The following ZNF160 variants were observed in gnomAD, a reference collection of about 807,000 sequenced individuals.
ZNF160 encodes the protein KRAB zinc finger protein KR18.
In ZNF160, 9 loss-of-function variants were observed where a neutral mutation model predicts 13.1. That is an observed-to-expected ratio of 0.69 (90% confidence interval 0.41 to 1.20). The LOEUF is 1.20. ZNF160 is among the 50% of genes most tolerant of loss of function. ZNF160 has a pLI of 0.01. For missense variants in ZNF160, 838 were observed against 988.0 expected (o/e 0.85, Z 2.04); for synonymous variants, 293 against 333.2 (o/e 0.88, Z 1.31).
At chr19:53,101,861 T>C (rs1341880225) in intron 1 of ZNF160, among the ~76,000 whole-genome samples, 1 of 152,210 alleles carries the variant, frequency 6.6e-6, no homozygotes, top group East Asian at 1.9e-4. Context: ...CTCATCCTTA[T>C]ATGTAGAATT....
intron 2 of ZNF160, among the ~76,000 whole-genome samples, chr19:53,088,203 A>T (rs1057269494): frequency 1.3e-5 from 2 of 152,216 alleles, no homozygotes; most frequent in Non-Finnish European, 2.9e-5. Context: ...CCAAGATAAC[A>T]GAAGAGGAAG....
chr19:53,094,487 G>T (rs1401340229), intron 1 of ZNF160, among the ~76,000 whole-genome samples: 1 of 152,072 alleles, frequency 6.6e-6, no homozygotes, highest in Non-Finnish European at 1.5e-5. Context: ...GGGACCATCC[G>T]CTGATGCCCC....
At position 53,075,037 on chromosome 19, in the gene ZNF160, T is replaced by C. The variant is rs766269939; in HGVS notation, c.142+20A>G. ...ATAGACAAGAACAGATCTTGACTTC[T>C]GGAAGAAAGTCATCCTCACCCAGAG... is the stretch of plus-strand genomic sequence containing the variant. On this transcript the variant is annotated intron_variant, in intron 4 of 5. Coordinates refer to ENST00000683776, the MANE Select transcript of ZNF160 (RefSeq NM_001322131.2). 9.3e-6 allele frequency: 15 copies of C among 1,613,854 alleles called. No homozygotes were observed. The East Asian group carries it at 3.3e-4, about 36-fold the overall frequency.
intron 3 of ZNF160, among the ~76,000 whole-genome samples, chr19:53,081,266 C>G (rs188065076): frequency 6.6e-6 from 1 of 152,190 alleles, no homozygotes; most frequent in Non-Finnish European, 1.5e-5. Flanking sequence ...AAAAAATAGA[C>G]AAGTGGAACT....
intron 1 of ZNF160, among the ~76,000 whole-genome samples, chr19:53,092,468 G>A (rs1192402776): frequency 6.6e-6 from 1 of 152,068 alleles, no homozygotes; most frequent in Admixed American, 6.6e-5. Flanking sequence ...ACGCCACTAG[G>A]CCCAGCTAAT....
At chr19:53,084,483 C>T (rs576498909) in intron 3 of ZNF160, among the ~76,000 whole-genome samples, 5 of 152,278 alleles carry the variant, frequency 3.3e-5, no homozygotes, top group Admixed American at 6.5e-5. Context: ...GTGACAGAGC[C>T]GCCGTGCTCC....
At chr19:53,079,632 A>G (rs1269340454) in intron 3 of ZNF160, among the ~76,000 whole-genome samples, 1 of 146,708 alleles carries the variant, frequency 6.8e-6, no homozygotes, top group African/African-American at 2.5e-5. Context: ...TTTCTTGGCT[A>G]TGACACCAAA....
chr19:53,086,250 G>C lies in ZNF160; in HGVS notation c.15+12C>G. On this transcript the variant is annotated intron_variant, in intron 3 of 5. Transcript: ENST00000683776. The stretch of plus-strand genomic sequence containing the variant: ...GAAATAAAAGAACAATCCACCAGGA[G>C]TATCACTTTACCTGAGTAAGGGCCA... 6 of 1,584,726 alleles carry C rather than the reference G, an allele frequency of 3.8e-6. No homozygotes were observed. Among genetic ancestry groups the C allele is most frequent in the Non-Finnish European group, 5.1e-6 (6 of 1,165,356 alleles).
At chr19:53,080,136 C>T (rs1198845406) in intron 3 of ZNF160, among the ~76,000 whole-genome samples, 3 of 145,602 alleles carry the variant, frequency 2.1e-5, no homozygotes, top group African/African-American at 5.1e-5. Context: ...GATGGAGTTT[C>T]GCTCTTGTTG....
At chr19:53,088,894 C>T (rs1407603847) in intron 2 of ZNF160, among the ~76,000 whole-genome samples, 27 of 152,224 alleles carry the variant, frequency 1.8e-4, no homozygotes, top group Admixed American at 1.8e-3. Context: ...TTCAGTCGCA[C>T]AGGACTGCCC....
At chr19:53,083,493 C>A (rs995309117) in intron 3 of ZNF160, among the ~76,000 whole-genome samples, 31 of 152,178 alleles carry the variant, frequency 2.0e-4, no homozygotes, top group African/African-American at 7.2e-4. Flanking sequence ...TTCGTTAAGG[C>A]CTTCCAAAAT....
intron 3 of ZNF160, chr19:53,085,067 C>T (rs1363883978): frequency 3.1e-6 from 2 of 643,160 alleles, no homozygotes; most frequent in Non-Finnish European, 1.9e-6. Flanking sequence ...GATCCTCCCA[C>T]CTTGGCTTCC....
In ZNF160 at chr19:53,091,421, T is replaced by A. The variant is rs1378563578; in HGVS notation, c.-54A>T. On this transcript the variant is annotated 5_prime_UTR_variant, in exon 2 of 6. Transcript: ENST00000683776. Reference sequence around the variant, plus strand: ...AACAGAGGGAAACTCACGTGTGAGGTCTTCACTCCAGGTGATCAGCTTCCA... The same window carrying A: ...AACAGAGGGAAACTCACGTGTGAGGACTTCACTCCAGGTGATCAGCTTCCA... The A allele has an allele frequency of 6.6e-6, 1 of 152,180 alleles. No homozygotes were observed. The highest frequency in any genetic ancestry group is 1.5e-5 in the Non-Finnish European group (1 of 68,066). The allele number at this position is 152,180 out of a possible 1,614,324, so 9.4% of individuals were successfully genotyped here.
rs78483262 is a variant in ZNF160, at chr19:53,069,945, C to T, written c.589G>A (p.Gly197Ser). The change falls in exon 6 of 6, where the codon GGT (glycine) becomes AGT (serine). Residue 197 changes from glycine (G) to serine (S), a missense_variant. Physicochemically the swap from Gly to Ser is moderately conservative, Grantham distance 56. Coordinates refer to ENST00000683776, the MANE Select transcript of ZNF160 (RefSeq NM_001322131.2). The surrounding 1 kb of genome is among the most constrained non-coding windows in gnomAD (Gnocchi z 4.4). ...TTACATTCATACATTTTCCCCTCAC[C>T]TTGAAATAGCTGCAGTTCAGGCAGA... is the stretch of plus-strand genomic sequence containing the variant. ...SHLPELQLFQ[G>S]EGKMYECNQV... 3,133 of 1,614,128 alleles carry T rather than the reference C, an allele frequency of 1.9e-3. 52 individuals are homozygous for T. In the African/African-American group the frequency reaches 0.036, roughly 18 times the overall value.
chr19:53,078,194 C>T (rs555194824), intron 3 of ZNF160, among the ~76,000 whole-genome samples: 9 of 151,892 alleles, frequency 5.9e-5, no homozygotes, highest in African/African-American at 2.2e-4. Context: ...GAGCTGAGAT[C>T]GCACCACTGC....
At chr19:53,083,486 G>A (rs1367908265) in intron 3 of ZNF160, among the ~76,000 whole-genome samples, 3 of 152,206 alleles carry the variant, frequency 2.0e-5, no homozygotes, top group East Asian at 3.8e-4. Flanking sequence ...ATTTCATTTC[G>A]TTAAGGCCTT....
intron 5 of ZNF160, among the ~76,000 whole-genome samples, 171 bp from the exon 6 acceptor site, chr19:53,070,433 C>T (rs527442878): frequency 3.3e-5 from 5 of 149,932 alleles, no homozygotes; most frequent in East Asian, 2.0e-4. Context: ...TTTTTTGAGA[C>T]GGAGTCTCGC....
chr19:53,096,629 C>T (rs573839796), intron 1 of ZNF160, among the ~76,000 whole-genome samples: 5 of 137,884 alleles, frequency 3.6e-5, no homozygotes, highest in Admixed American at 7.2e-5. Flanking sequence ...TATTCACAGA[C>T]CCAGATCCTT....
At position 53,069,576 on chromosome 19, in the gene ZNF160, T is replaced by C; in HGVS notation, c.958A>G (p.Lys320Glu). 1 of 1,614,206 alleles carries C rather than the reference T, an allele frequency of 6.2e-7. No homozygotes were observed. The highest frequency in any genetic ancestry group is 8.5e-7 in the Non-Finnish European group (1 of 1,180,036). The change falls in exon 6 of 6, where the codon AAG (lysine) becomes GAG (glutamate). Residue 320 changes from lysine (K) to glutamate (E), a missense_variant. By Grantham distance (56) the Lys-to-Glu change is moderately conservative. This residue lies in a region of ZNF160 where 387 missense variants were observed against 402.3 expected (regional missense o/e 0.96). Transcript: ENST00000683776. This position sits in a 1 kb window ranked among gnomAD's most constrained non-coding sequence, Gnocchi z 4.4. Reference protein sequence around the residue: ...EKPYKCHECGKVFRHNSYLAT... With the variant: ...EKPYKCHECGEVFRHNSYLAT... ...AGGTATGAATTGTGCCTGAAGACCT[T>C]GCCACACTCATGACATTTGTAAGGT...
Sources: allele counts gnomAD v4.1 joint callset (sites outside exome capture counted in the v4.1 genomes callset), GRCh38; gene constraint gnomAD v4.1.1; regional missense constraint gnomAD v4.1.1; non-coding constraint Gnocchi (gnomAD v3.1); transcripts MANE v1.5; gene names NCBI Gene and HGNC (gene_info 2026-07-23, HGNC 2026-07-21).